The following RYR2 variants were observed in gnomAD, a reference collection of about 807,000 sequenced individuals.
The protein encoded by RYR2 is ryanodine receptor 2, also known as cardiac muscle ryanodine receptor-calcium release channel.
In RYR2, 227 loss-of-function variants were observed where a neutral mutation model predicts 601.1. The ratio of observed to expected loss-of-function variants is 0.38; its 90% CI spans 0.34 to 0.42. RYR2 has a LOEUF of 0.42. Ranked by LOEUF, RYR2 falls within the 10% of genes least tolerant of loss-of-function variation. The pLI, the probability that RYR2 is intolerant of heterozygous loss-of-function variation, is 1.00. For synonymous variants in RYR2, 2,223 were observed against 2,175.1 expected (o/e 1.02, Z -0.61); for missense variants, 4,646 against 6,156.5 (o/e 0.75, Z 8.21).
intron 1 of RYR2, among the ~76,000 whole-genome samples, chr1:237,127,286 A>T (rs1671546637): frequency 6.6e-6 from 1 of 151,916 alleles, no homozygotes; most frequent in Non-Finnish European, 1.5e-5. Flanking sequence ...GCCCGTTCTC[A>T]ATGAGCTGTT....
intron 71 of RYR2, among the ~76,000 whole-genome samples, chr1:237,713,487 C>T (rs559023989): frequency 6.6e-6 from 1 of 152,046 alleles, no homozygotes; most frequent in Non-Finnish European, 1.5e-5. Context: ...ACCTCTGCCT[C>T]CTGGGTTCAA....
rs573118109 is a variant in RYR2 at position 237,247,453 on chromosome 1, G to A, written c.49-23044G>A. On this transcript the variant is annotated intron_variant, in intron 1 of 104. Transcript: ENST00000366574. The stretch of plus-strand genomic sequence containing the variant: ...AAGAGAGGCAGTTACAGTAACTATA[G>A]GGCGAAGAAGGGAACAGTAAAAGTT... Among the ~76,000 whole-genome samples the A allele has an allele frequency of 2.5e-4, 38 of 152,274 alleles. 1 individual carries two copies. The South Asian group carries it at 7.7e-3, about 31-fold the overall frequency.
intron 102 of RYR2, 46 bp from the exon 103 acceptor site, chr1:237,830,484 T>A: frequency 8.4e-7 from 1 of 1,193,706 alleles, no homozygotes; most frequent in South Asian, 1.2e-5. Flanking sequence ...TTTCCTTTTG[T>A]TTTGCTTTCT....
At chr1:237,724,687 A>G (rs1037221978) in intron 74 of RYR2, among the ~76,000 whole-genome samples, 13 of 152,044 alleles carry the variant, frequency 8.6e-5, no homozygotes, top group East Asian at 3.8e-4. Context: ...AGTGATTTAT[A>G]TAAAGTCATA....
chr1:237,792,361 G>C (rs749397477), intron 94 of RYR2, 38 bp downstream of exon 94: 1 of 845,522 alleles, frequency 1.2e-6, no homozygotes, highest in East Asian at 2.7e-5. Context: ...GTGTGTGTGT[G>C]TGTGTGTGTG....
chr1:237,437,948 A>G (rs544154207), intron 12 of RYR2, among the ~76,000 whole-genome samples: 3 of 152,178 alleles, frequency 2.0e-5, no homozygotes, highest in Non-Finnish European at 2.9e-5. Flanking sequence ...TAGGAATTAA[A>G]TTTTATATAG....
At chr1:237,115,225 G>C (rs2485558) in intron 1 of RYR2, among the ~76,000 whole-genome samples, 111,732 of 151,524 alleles carry the variant, frequency 0.74, 41,561 homozygotes, top group Admixed American at 0.78. Flanking sequence ...CCACGCCTTC[G>C]TGGAAACCAC....
chr1:237,788,181 C>T lies in RYR2; in HGVS notation c.13476+46C>T, dbSNP rs201337137. On this transcript the variant is annotated intron_variant, in intron 92 of 104. Coordinates refer to ENST00000366574, the MANE Select transcript of RYR2 (RefSeq NM_001035.3). ...TATTGTTACTGATATAGTGCAATAC[C>T]GTAATAATTTAGGCTCAGTAAATGT... is the stretch of plus-strand genomic sequence containing the variant. 4.0e-6 allele frequency: 6 copies of T among 1,484,948 alleles called. No homozygotes were observed. The Admixed American group carries it at 7.7e-5, about 19-fold the overall frequency. 92.0% of individuals were successfully genotyped at this position (1,484,948 alleles called of 1,614,324 possible). A position where few individuals can be genotyped will look rare whatever the true frequency, so the allele number is the denominator to read the frequency against.
chr1:237,386,390 T>C (rs1296050535), intron 8 of RYR2, among the ~76,000 whole-genome samples: 1 of 152,186 alleles, frequency 6.6e-6, no homozygotes, highest in Non-Finnish European at 1.5e-5. Context: ...TGACTGATCA[T>C]CTAAATAAGA....
intron 24 of RYR2, among the ~76,000 whole-genome samples, chr1:237,520,123 A>G (rs1055627686): frequency 6.6e-6 from 1 of 152,228 alleles, no homozygotes; most frequent in Non-Finnish European, 1.5e-5. Context: ...TTACTGGTCT[A>G]TAGATATGCT....
At chr1:237,827,109 AT>A (rs1172246670) in intron 101 of RYR2, among the ~76,000 whole-genome samples, 1 of 152,164 alleles carries the variant, frequency 6.6e-6, no homozygotes, top group African/African-American at 2.4e-5. Context: ...AAATGACACT[AT>A]TTTTTAGTCA....
chr1:237,348,487 G>A (rs1698489561), intron 3 of RYR2, among the ~76,000 whole-genome samples: 1 of 152,088 alleles, frequency 6.6e-6, no homozygotes, highest in South Asian at 2.1e-4. Flanking sequence ...GCTCTCAGTT[G>A]GAATCCTTGG....
At chr1:237,449,672 C>T (rs779412746) in intron 14 of RYR2, among the ~76,000 whole-genome samples, 2 of 151,824 alleles carry the variant, frequency 1.3e-5, no homozygotes, top group Non-Finnish European at 2.9e-5. Context: ...GAGATAGACT[C>T]TTTTGGCTTT....
chr1:237,270,475 C>T (rs376235935), intron 1 of RYR2, 22 bp from the exon 2 acceptor site: 38 of 1,558,984 alleles, frequency 2.4e-5, no homozygotes, highest in Non-Finnish European at 3.0e-5. Context: ...TTATTTTTCC[C>T]TCTCTTTCTC....
At chr1:237,329,852 G>A (rs1410820493) in intron 2 of RYR2, among the ~76,000 whole-genome samples, 1 of 151,780 alleles carries the variant, frequency 6.6e-6, no homozygotes, top group East Asian at 1.9e-4. Context: ...TGAGATAGCG[G>A]TTTAAGAGAA....
chr1:237,644,268 C>T (rs1331693702), intron 48 of RYR2, among the ~76,000 whole-genome samples: 1 of 151,488 alleles, frequency 6.6e-6, no homozygotes, highest in Non-Finnish European at 1.5e-5. Context: ...AGTCTCACTC[C>T]GTCACCCAGG....
At chr1:237,414,544 T>C (rs1403301948) in intron 10 of RYR2, among the ~76,000 whole-genome samples, 1 of 152,198 alleles carries the variant, frequency 6.6e-6, no homozygotes. Context: ...CACAAAATTA[T>C]TTTTAATTGG....
intron 27 of RYR2, among the ~76,000 whole-genome samples, chr1:237,559,055 C>T (rs983127501): frequency 6.0e-5 from 9 of 149,132 alleles, no homozygotes; most frequent in Non-Finnish European, 1.0e-4. Context: ...AGTGCAATGG[C>T]GTGATCTCGG....
chr1:237,611,588 T>C (rs1677877069), intron 36 of RYR2, among the ~76,000 whole-genome samples: 1 of 152,172 alleles, frequency 6.6e-6, no homozygotes, highest in South Asian at 2.1e-4. Flanking sequence ...GCCAATTAAA[T>C]TGCAGAGATT....
Sources: allele counts gnomAD v4.1 joint callset (sites outside exome capture counted in the v4.1 genomes callset), GRCh38; gene constraint gnomAD v4.1.1; transcripts MANE v1.5; gene names NCBI Gene and HGNC (gene_info 2026-07-23, HGNC 2026-07-21).